Variants in TULP4 observed in about 807,000 individuals in gnomAD.
TULP4 encodes tubby-related protein 4.
Under a neutral mutation model 129.0 loss-of-function variants are expected in TULP4, and 16 were observed. The observed-to-expected ratio is 0.12, with a 90% CI of 0.08 to 0.19. TULP4 has a LOEUF of 0.19. TULP4 is among the 10% of genes least tolerant of loss of function. The pLI is 1.00. For missense variants in TULP4, 1,842 were observed against 2,059.1 expected, an observed-to-expected ratio of 0.89 and a Z score of 2.04; for synonymous variants, 998 against 854.0, an observed-to-expected ratio of 1.17 and a Z score of -2.94.
intron 1 of TULP4, among the ~76,000 whole-genome samples, chr6:158,240,211 CG>C (rs1777848591): frequency 1.8e-5 from 1 of 56,570 alleles, no homozygotes; most frequent in Non-Finnish European, 3.9e-5. Context: ...GCTGGCCGGG[CG>C]GGGGGCTGAC....
At chr6:158,382,051 A>G (rs972931694) in intron 1 of TULP4, among the ~76,000 whole-genome samples, 1 of 152,200 alleles carries the variant, frequency 6.6e-6, no homozygotes, top group Non-Finnish European at 1.5e-5. Flanking sequence ...CTGTTTCTAG[A>G]AAAAGCAGCC....
chr6:158,286,606 A>G (rs1019169089), intron 1 of TULP4, among the ~76,000 whole-genome samples: 3 of 152,224 alleles, frequency 2.0e-5, no homozygotes, highest in African/African-American at 7.2e-5. Context: ...CAGTATGATG[A>G]TATCACTTAA....
intron 1 of TULP4, among the ~76,000 whole-genome samples, chr6:158,383,013 A>G (rs1443805423): frequency 6.6e-6 from 1 of 152,234 alleles, no homozygotes; most frequent in African/African-American, 2.4e-5. Context: ...AGGTTCAAGG[A>G]TCAAGGTCGC....
At position 158,503,671 on chromosome 6, in the gene TULP4, G is replaced by A; in HGVS notation, c.4008G>A (p.Lys1336=). The A allele has an allele frequency of 3.1e-6, 5 of 1,614,056 alleles. No individual in the cohort carries two copies. The highest frequency in any genetic ancestry group is 1.6e-4 in the Middle Eastern group (1 of 6,062). The change falls in exon 13 of 14, where the codon AAG becomes AAA. Residue 1336 remains lysine (K), a synonymous_variant. Coordinates refer to ENST00000367097, the MANE Select transcript of TULP4 (RefSeq NM_020245.5). This position sits in a 1 kb window ranked among gnomAD's most constrained non-coding sequence, Gnocchi z 4.3. ...VPQRTEKFGK[K]NRKRLDSRAE... ...AGCGGACAGAAAAATTTGGAAAGAA[G>A]AACCGGAAGCGCCTGGACAGCCGAG...
At chr6:158,303,053 C>A (rs895584661) in intron 1 of TULP4, among the ~76,000 whole-genome samples, 1 of 147,348 alleles carries the variant, frequency 6.8e-6, no homozygotes, top group Non-Finnish European at 1.5e-5. Context: ...ATCTAGTAGG[C>A]CCTTAAACTT....
At chr6:158,464,116 G>T (rs1354663932) in intron 6 of TULP4, among the ~76,000 whole-genome samples, 1 of 152,134 alleles carries the variant, frequency 6.6e-6, no homozygotes. Flanking sequence ...ATTTAAAGAG[G>T]TTTAGTCTGA....
chr6:158,273,743 G>C (rs932048917), intron 1 of TULP4, among the ~76,000 whole-genome samples: 5 of 152,168 alleles, frequency 3.3e-5, no homozygotes, highest in East Asian at 1.9e-4. Context: ...CAAATAATCT[G>C]TCTGGTCCTA....
rs1780153131 is a variant in TULP4, at chr6:158,489,685, G to C, written c.1584G>C (p.Lys528Asn). ...AGCTGAGTGATGACTGGGCTGCCAA[G>C]AAATCTCCCAAAATCTCCAGAGCTA... ...DIELSDDWAA[K>N]KSPKISRASK... Residue 528 changes from lysine to asparagine, a missense_variant, in exon 9 of 14, where the codon AAG (lysine) becomes AAC (asparagine). Coordinates refer to ENST00000367097, the MANE Select transcript of TULP4 (RefSeq NM_020245.5). 1 of 1,614,074 alleles carries C rather than the reference G, an allele frequency of 6.2e-7. No individual in the cohort carries two copies. Among genetic ancestry groups the C allele is most frequent in the South Asian group, 1.1e-5 (1 of 91,082 alleles).
intron 1 of TULP4, among the ~76,000 whole-genome samples, chr6:158,306,755 C>T (rs1407835092): frequency 6.6e-6 from 1 of 152,118 alleles, no homozygotes; most frequent in East Asian, 1.9e-4. Flanking sequence ...CAGTGGCTGA[C>T]ACCTGTAATC....
At chr6:158,439,123 A>G (rs1213685636) in intron 3 of TULP4, among the ~76,000 whole-genome samples, 1 of 151,920 alleles carries the variant, frequency 6.6e-6, no homozygotes, top group Non-Finnish European at 1.5e-5. Flanking sequence ...GTGAGCCAAG[A>G]TCGCGCCACT....
intron 1 of TULP4, among the ~76,000 whole-genome samples, chr6:158,391,914 T>A (rs1777593160): frequency 6.6e-6 from 1 of 152,216 alleles, no homozygotes; most frequent in South Asian, 2.1e-4. Flanking sequence ...TCACTTCTTT[T>A]TTCTTAGTGC....
In TULP4 at chr6:158,461,544, C is replaced by CCTCT; in HGVS notation, c.860-15_860-12dup. On this transcript the variant is annotated intron_variant, in intron 5 of 13. Transcript: ENST00000367097. ...AGGAGGGCTGTGTCCTTGTGCTGAC[C>CCTCT]CTCTCTCCTCTGTTTCAGAGGTGGT... 1 of 1,609,196 alleles carries CCTCT rather than the reference C, an allele frequency of 6.2e-7. No homozygotes were observed. The highest frequency in any genetic ancestry group is 8.5e-7 in the Non-Finnish European group (1 of 1,177,920).
rs35153865 is a variant in TULP4 at position 158,502,715 on chromosome 6, G to A, written c.3052G>A (p.Gly1018Arg). The change falls in exon 13 of 14, where the codon GGG (glycine) becomes AGG (arginine). Residue 1018 changes from glycine (G) to arginine (R), a missense_variant. Around this residue, in one of 5 missense-constraint regions of TULP4, gnomAD observed 1,089 missense variants for 987.1 expected, o/e 1.10. Transcript: ENST00000367097. ...GCAGCCCCTGGCCAAGTCCAAGGGC[G>A]GGCCCGGGGGGGTGGTGACACAGCT... ...PLQPLAKSKG[G>R]PGGVVTQLPA... The A allele has an allele frequency of 1.4e-4, 212 of 1,561,356 alleles. 1 individual carries two copies. The Admixed American group carries it at 3.1e-3, about 23-fold the overall frequency.
chr6:158,258,107 A>C (rs554123903), intron 1 of TULP4, among the ~76,000 whole-genome samples: 93 of 152,208 alleles, frequency 6.1e-4, no homozygotes, highest in Non-Finnish European at 1.2e-3. Flanking sequence ...TCTATTAGTC[A>C]GGGGATTCTT....
Position 158,290,390 on chromosome 6 carries a change from G to A in TULP4, n.116+8012G>A, listed in dbSNP as rs1345554410. ...AAATCAGAATGTCTTTTGCTGTTGA[G>A]TTCCTTATATATTCTAGTTGTTAAT... On this transcript the variant is annotated intron_variant and non_coding_transcript_variant, in intron 1 of 1. Transcript: ENST00000432358. 3.3e-5 allele frequency among the ~76,000 whole-genome samples: 5 copies of A among 152,250 alleles called. No individual in the cohort carries two copies. The East Asian group carries it at 9.6e-4, about 29-fold the overall frequency.
At chr6:158,283,487 C>T (rs1361102329) in intron 1 of TULP4, among the ~76,000 whole-genome samples, 3 of 152,162 alleles carry the variant, frequency 2.0e-5, no homozygotes, top group Non-Finnish European at 4.4e-5. Context: ...CAGAGCACAG[C>T]GTCCCCTTCA....
intron 1 of TULP4, among the ~76,000 whole-genome samples, chr6:158,382,507 C>T (rs192310104): frequency 5.3e-5 from 8 of 152,154 alleles, no homozygotes; most frequent in South Asian, 2.1e-4. Flanking sequence ...CAAGCAGCAG[C>T]GAGGGTGAGA....
chr6:158,238,384 G>T, intron 1 of TULP4: 1 of 639,968 alleles, frequency 1.6e-6, no homozygotes, highest in Admixed American at 2.4e-5. Context: ...GGCCTGGTTT[G>T]TGTACATAGC....
At chr6:158,340,206 G>A (rs892465639) in intron 1 of TULP4, among the ~76,000 whole-genome samples, 1 of 152,100 alleles carries the variant, frequency 6.6e-6, no homozygotes, top group African/African-American at 2.4e-5. Flanking sequence ...TGGGTTTTTT[G>A]GGGGGAAAGA....
Sources: allele counts gnomAD v4.1 joint callset (sites outside exome capture counted in the v4.1 genomes callset), GRCh38; gene constraint gnomAD v4.1.1; regional missense constraint gnomAD v4.1.1; non-coding constraint Gnocchi (gnomAD v3.1); transcripts MANE v1.5; gene names NCBI Gene and HGNC (gene_info 2026-07-23, HGNC 2026-07-21).